Variants in B9D1 observed in about 807,000 individuals in gnomAD.
B9D1 encodes the protein B9 domain containing 1.
In B9D1, 20 loss-of-function variants were observed where a neutral mutation model predicts 26.1. That is an observed-to-expected ratio of 0.77 (90% CI 0.54 to 1.12). B9D1 has a LOEUF of 1.12. Among genes scored for constraint, B9D1 ranks in the 50% most tolerant of loss-of-function variants. B9D1 has a pLI of 0.00. For synonymous variants in B9D1, 105 were observed against 103.1 expected, an observed-to-expected ratio of 1.02 and a Z score of -0.11; for missense variants, 260 against 273.7, an observed-to-expected ratio of 0.95 and a Z score of 0.35.
At chr17:19,343,548 C>T (rs1908253514) in intron 6 of B9D1, 87 bp from the exon 7 acceptor site, 6 of 1,597,182 alleles carry the variant, frequency 3.8e-6, no homozygotes, top group Non-Finnish European at 5.1e-6. Context: ...TCAGCGTTCT[C>T]ATCTGTAAAA....
chr17:19,355,398 G>A (rs1040242671), intron 3 of B9D1, among the ~76,000 whole-genome samples: 1 of 152,006 alleles, frequency 6.6e-6, no homozygotes, highest in South Asian at 2.1e-4. Flanking sequence ...ACATGGTGGT[G>A]CATGCCTGTA....
At chr17:19,349,847 C>G (rs940703278) in intron 3 of B9D1, among the ~76,000 whole-genome samples, 3 of 152,178 alleles carry the variant, frequency 2.0e-5, no homozygotes, top group Non-Finnish European at 4.4e-5. Flanking sequence ...CTTCCCTTAC[C>G]CTGATATCAT....
intron 3 of B9D1, among the ~76,000 whole-genome samples, chr17:19,350,346 G>C (rs1005408034): frequency 1.3e-4 from 20 of 152,080 alleles, no homozygotes; most frequent in African/African-American, 4.8e-4. Context: ...GGGAGTTCAA[G>C]AACAGCCTGG....
chr17:19,376,021 A>G (rs972107292), intron 1 of B9D1, among the ~76,000 whole-genome samples: 1 of 152,244 alleles, frequency 6.6e-6, no homozygotes, highest in Non-Finnish European at 1.5e-5. Flanking sequence ...AAAATATGGT[A>G]TATCTAAACA....
chr17:19,346,655 C>T (rs921377720), intron 5 of B9D1, among the ~76,000 whole-genome samples: 2 of 152,206 alleles, frequency 1.3e-5, no homozygotes, highest in Admixed American at 6.5e-5. Flanking sequence ...GCCCTCCCTG[C>T]AGGCCCTTGT....
intron 1 of B9D1, among the ~76,000 whole-genome samples, chr17:19,374,262 TAGAG>T (rs1418520931): frequency 1.8e-4 from 28 of 152,288 alleles, no homozygotes; most frequent in African/African-American, 6.3e-4. Context: ...TGTGGTGAAT[TAGAG>T]AGCACATGTT....
Position 19,362,659 on chromosome 17 carries a change from G to A in B9D1, c.-90C>T, listed in dbSNP as rs745309244. 5.2e-6 allele frequency: 8 copies of A among 1,550,536 alleles called. No individual in the cohort carries two copies. Among genetic ancestry groups the A allele is most frequent in the Non-Finnish European group, 7.0e-6 (8 of 1,147,374 alleles). On this transcript the variant is annotated 5_prime_UTR_variant, in exon 1 of 7. Transcript: ENST00000261499. The stretch of plus-strand genomic sequence containing the variant: ...TTGCCCTAGAAACAGACGGCGTAGC[G>A]CGCAGGACACGTTTCTTGGCAGCGA...
chr17:19,347,330 G>A lies in B9D1; in HGVS notation c.343C>T (p.His115Tyr), dbSNP rs768052317. 1.1e-5 allele frequency: 18 copies of A among 1,614,182 alleles called. No individual in the cohort carries two copies. The highest frequency in any genetic ancestry group is 1.5e-5 in the Non-Finnish European group (18 of 1,180,032). ...ACAAACATGGGGATGGTCCTTTTGT[G>A]CCTGAAACAAATGTTTTTGCAGACA... Reference protein sequence around the residue: ...AVHVPFSPGRHKRTIPMFVPE... With the variant: ...AVHVPFSPGRYKRTIPMFVPE... Residue 115 changes from histidine (H) to tyrosine (Y), a missense_variant and splice_region_variant, in exon 5 of 7, where the codon CAC becomes TAC. By Grantham distance (83) the His-to-Tyr change is moderately conservative (BLOSUM62 2). Transcript: ENST00000261499. This position sits in a 1 kb window ranked among gnomAD's most constrained non-coding sequence, Gnocchi z 4.3.
intron 1 of B9D1, 62 bp from the exon 2 acceptor site, chr17:19,360,450 AG>A: frequency 6.9e-7 from 1 of 1,452,132 alleles, no homozygotes; most frequent in Non-Finnish European, 9.7e-7. Context: ...TGCATTTGCT[AG>A]GCAGGTGCAG....
chr17:19,352,451 T>A (rs1598069180), intron 3 of B9D1, among the ~76,000 whole-genome samples: 1 of 151,806 alleles, frequency 6.6e-6, no homozygotes, highest in East Asian at 1.9e-4. Context: ...ATCAAGTGAT[T>A]CTCCTGCCTC....
At chr17:19,363,111 C>T (rs1390324883), upstream of B9D1, 2 of 165,086 alleles carry the variant, frequency 1.2e-5, no homozygotes, top group African/African-American at 4.8e-5. Flanking sequence ...TCGGGGCTAA[C>T]TCTGGAATGC....
At chr17:19,366,586 C>T (rs1911603437), upstream of B9D1, among the ~76,000 whole-genome samples, 1 of 152,112 alleles carries the variant, frequency 6.6e-6, no homozygotes, top group Non-Finnish European at 1.5e-5. Flanking sequence ...AAACCGACTT[C>T]CCAAGATCAC....
At chr17:19,342,938 G>A (rs1038040166), downstream of B9D1, 3 of 361,070 alleles carry the variant, frequency 8.3e-6, no homozygotes, top group Admixed American at 5.0e-5. Context: ...GTTAGTTCAA[G>A]GAACAATGTG....
chr17:19,367,768 G>T (rs1015881756), intron 1 of B9D1, among the ~76,000 whole-genome samples: 1 of 152,200 alleles, frequency 6.6e-6, no homozygotes, highest in Admixed American at 6.5e-5. Flanking sequence ...CTTCCTCTGG[G>T]ATGTCTTTTT....
downstream of B9D1, chr17:19,341,136 C>A (rs1299249112): frequency 5.7e-6 from 7 of 1,228,708 alleles, no homozygotes; most frequent in Non-Finnish European, 7.1e-6. Context: ...TTAAACATAA[C>A]CAGAAGAGGG....
At position 19,347,667 on chromosome 17, in the gene B9D1, C is replaced by T; in HGVS notation, c.341+117G>A. ...CAACCCCCCTGGCCACCAGGCTGAG[C>T]TGCCCAGGCCCCTGGAGACCCCAGA... On this transcript the variant is annotated intron_variant, in intron 4 of 6. Coordinates refer to ENST00000261499, the MANE Select transcript of B9D1 (RefSeq NM_015681.6). This position sits in a 1 kb window ranked among gnomAD's most constrained non-coding sequence, Gnocchi z 4.3. The T allele has an allele frequency of 1.9e-6, 2 of 1,029,314 alleles. No individual in the cohort carries two copies. The highest frequency in any genetic ancestry group is 1.5e-6 in the Non-Finnish European group (1 of 678,258). 63.8% of individuals were successfully genotyped at this position (1,029,314 alleles called of 1,614,324 possible).
At chr17:19,338,034 G>C (rs997371400), downstream of B9D1, among the ~76,000 whole-genome samples, 3 of 152,198 alleles carry the variant, frequency 2.0e-5, no homozygotes, top group African/African-American at 7.2e-5. Flanking sequence ...TGTGTCCTGG[G>C]CTCTGTGGAG....
chr17:19,335,185 C>T (rs1049228476), downstream of B9D1: 1 of 369,252 alleles, frequency 2.7e-6, no homozygotes, highest in Non-Finnish European at 4.8e-6. Flanking sequence ...AAAAAAAAAA[C>T]AACAGCAACA....
At chr17:19,344,706 T>A (rs1194330205) in intron 5 of B9D1, 1 of 162,430 alleles carries the variant, frequency 6.2e-6, no homozygotes, top group African/African-American at 2.4e-5. Context: ...CGCACCGCCC[T>A]CCCCGCGGCC....
Sources: gnomAD v4.1 joint callset for allele counts (sites outside exome capture counted in the v4.1 genomes callset) on GRCh38, gnomAD v4.1.1 for gene constraint, Gnocchi (gnomAD v3.1) non-coding constraint, MANE v1.5 for transcripts, NCBI Gene and HGNC (gene_info 2026-07-23, HGNC 2026-07-21) for gene names.